Variants in PDE12 observed in about 807,000 individuals in gnomAD.
PDE12 encodes the protein phosphodiesterase 12, also known as 2',5'-phosphodiesterase 12.
PDE12 carries 26 observed loss-of-function variants against 45.4 expected under a neutral mutation model. That is an observed-to-expected ratio of 0.57 (90% CI 0.42 to 0.79). The LOEUF (loss-of-function observed/expected upper bound fraction) is 0.79. Ranked by LOEUF, PDE12 falls within the 30% of genes least tolerant of loss-of-function variation. PDE12 has a pLI of 0.00. For missense variants in PDE12, 668 were observed against 790.0 expected (o/e 0.85, Z 1.85); for synonymous variants, 283 against 323.9 (o/e 0.87, Z 1.36).
the PDE12 span, among the ~76,000 whole-genome samples, chr3:57,576,698 A>T: frequency 3.9e-5 from 6 of 152,242 alleles, no homozygotes; most frequent in African/African-American, 1.4e-4. Context: ...AAATCATGAC[A>T]AGGATTCTCA....
chr3:57,639,354 G>A, the PDE12 span, among the ~76,000 whole-genome samples: 1 of 152,174 alleles, frequency 6.6e-6, no homozygotes, highest in Admixed American at 6.5e-5. Context: ...ACAGTTTGGT[G>A]ATTTCTTAAA....
In PDE12 at chr3:57,560,205, T is replaced by G; in HGVS notation, c.*201T>G. On this transcript the variant is annotated 3_prime_UTR_variant, in exon 3 of 3. Transcript: ENST00000311180. Reference sequence around the variant, plus strand: ...CTCTTTCCTTGTTTTCCTCTACAATTGGAGGAGAAACAAATATATTTCTTA... The same window carrying G: ...CTCTTTCCTTGTTTTCCTCTACAATGGGAGGAGAAACAAATATATTTCTTA... The G allele has an allele frequency of 1.6e-6, 2 of 1,283,326 alleles. No homozygotes were observed. The highest frequency in any genetic ancestry group is 2.0e-6 in the Non-Finnish European group (2 of 1,017,456). 79.5% of individuals were successfully genotyped at this position (1,283,326 alleles called of 1,614,324 possible).
At chr3:57,598,262 A>C in the PDE12 span, 1 of 152,142 alleles carries the variant, frequency 6.6e-6, no homozygotes, top group Admixed American at 6.6e-5. Flanking sequence ...ATAAAGATTT[A>C]ATCTATTTTT....
chr3:57,604,096 G>T, the PDE12 span, among the ~76,000 whole-genome samples: 1 of 151,442 alleles, frequency 6.6e-6, no homozygotes, highest in Non-Finnish European at 1.5e-5. Context: ...GCTAATTTTT[G>T]TATTTTTAGT....
At chr3:57,614,604 C>T in the PDE12 span, among the ~76,000 whole-genome samples, 5 of 137,300 alleles carry the variant, frequency 3.6e-5, no homozygotes, top group East Asian at 2.2e-4. Flanking sequence ...AGTGCAGTGG[C>T]GCGATCTCGG....
At chr3:57,566,882 ATCTT>A (rs2069790234), downstream of PDE12, 1 of 152,142 alleles carries the variant, frequency 6.6e-6, no homozygotes, top group Non-Finnish European at 1.5e-5. Flanking sequence ...CGGGAGGCAA[ATCTT>A]TCTTAGTCTG....
At chr3:57,575,045 C>G in the PDE12 span, among the ~76,000 whole-genome samples, 2 of 151,904 alleles carry the variant, frequency 1.3e-5, no homozygotes, top group African/African-American at 2.4e-5. Context: ...GACAGGGTTT[C>G]TCCCTGGTTG....
chr3:57,559,886 AG>A lies in PDE12; in HGVS notation c.1714del (p.Val572LeufsTer4). On this transcript the variant is annotated frameshift_variant, in exon 3 of 3. Coordinates refer to ENST00000311180, the MANE Select transcript of PDE12 (RefSeq NM_177966.7). LOFTEE classifies it high-confidence loss of function. ...ATTTTCATTGACTTAAATGCTTTAG[AG>A]GTTGAACAGGTGATTCCATTACCTA... ...DYIFIDLNAL[E>X]VEQVIPLPSH... 1 of 1,614,172 alleles carries A rather than the reference AG, an allele frequency of 6.2e-7. No individual in the cohort carries two copies.
downstream of PDE12, among the ~76,000 whole-genome samples, chr3:57,570,219 G>GTTTTTTTTTTTTTTTTGTTT (rs2069824322): frequency 6.3e-4 from 64 of 102,324 alleles, no homozygotes; most frequent in African/African-American, 2.5e-3. Context: ...TTAATCCAGT[G>GTTTTTTTTTTTTTTTTGTTT]TTTTTTTTTT....
the PDE12 span, chr3:57,598,358 C>A: frequency 6.6e-6 from 1 of 152,162 alleles, no homozygotes; most frequent in Admixed American, 6.5e-5. Flanking sequence ...GAAAAACTTG[C>A]AAACTTTCAG....
the PDE12 span, among the ~76,000 whole-genome samples, chr3:57,593,068 A>G: frequency 6.6e-6 from 1 of 152,224 alleles, no homozygotes; most frequent in East Asian, 1.9e-4. Context: ...TTAGCCGGGC[A>G]TAGTGGCGCC....
At chr3:57,641,903 G>A in the PDE12 span, among the ~76,000 whole-genome samples, 1 of 151,836 alleles carries the variant, frequency 6.6e-6, no homozygotes, top group African/African-American at 2.4e-5. Context: ...CAGGCAACAC[G>A]TTTTACACTA....
the PDE12 span, among the ~76,000 whole-genome samples, chr3:57,612,383 A>C: frequency 6.6e-6 from 1 of 152,182 alleles, no homozygotes; most frequent in South Asian, 2.1e-4. Context: ...TAGAACTTAA[A>C]GTATAATAAT....
chr3:57,619,792 G>A, the PDE12 span, among the ~76,000 whole-genome samples: 69 of 152,136 alleles, frequency 4.5e-4, no homozygotes, highest in Admixed American at 3.8e-3. Flanking sequence ...AGAGGTTGCA[G>A]TGAGCCAAGA....
In PDE12 at chr3:57,556,959, C is replaced by T. The variant is rs1559776383; in HGVS notation, c.580C>T (p.Leu194Phe). ...CGAATTTGGGGATCCCGCCAGCTCC[C>T]TTTTCCGCTGGTATAAGGAAGCCAA... The part of the protein sequence containing the change: ...SLEFGDPASS[L>F]FRWYKEAKPG... The change falls in exon 1 of 3, where the codon CTT (leucine) becomes TTT (phenylalanine). Residue 194 changes from leucine to phenylalanine, a missense_variant. Transcript: ENST00000311180. The surrounding 1 kb of genome is among the most constrained non-coding windows in gnomAD (Gnocchi z 5.0). The T allele has an allele frequency of 1.2e-6, 2 of 1,614,222 alleles. No homozygotes were observed. The highest frequency in any genetic ancestry group is 1.7e-6 in the Non-Finnish European group (2 of 1,180,048).
chr3:57,616,417 G>A, the PDE12 span, among the ~76,000 whole-genome samples: 58,346 of 150,812 alleles, frequency 0.39, 12,621 homozygotes, highest in South Asian at 0.56. Flanking sequence ...CGGAAGAGGC[G>A]GAGGGAGGAG....
chr3:57,641,763 CAAAACAAAAT>C, the PDE12 span: 1 of 1,584,878 alleles, frequency 6.3e-7, no homozygotes, highest in South Asian at 1.1e-5. Flanking sequence ...AAAAACAAAA[CAAAACAAAAT>C]AAAAAAGGTG....
chr3:57,654,010 C>T, the PDE12 span, among the ~76,000 whole-genome samples: 17 of 139,126 alleles, frequency 1.2e-4, no homozygotes, highest in Admixed American at 9.0e-4. Flanking sequence ...TGCAGTGGCA[C>T]GATCTCAGCT....
chr3:57,580,467 C>A, the PDE12 span, among the ~76,000 whole-genome samples: 6 of 152,288 alleles, frequency 3.9e-5, no homozygotes, highest in South Asian at 8.3e-4. Context: ...AGAGGCGCAA[C>A]TGTAGCTCAC....
Sources: gnomAD v4.1 joint callset for allele counts (sites outside exome capture counted in the v4.1 genomes callset) on GRCh38, gnomAD v4.1.1 for gene constraint, Gnocchi (gnomAD v3.1) non-coding constraint, MANE v1.5 for transcripts, NCBI Gene and HGNC (gene_info 2026-07-23, HGNC 2026-07-21) for gene names.